Variants in RHPN1 observed in about 807,000 individuals in gnomAD.
RHPN1 encodes rhophilin-1.
A neutral mutation model predicts 74.7 loss-of-function variants in RHPN1; 77 were observed. The ratio of observed to expected loss-of-function variants is 1.03; its 90% CI spans 0.86 to 1.25. RHPN1 has a LOEUF of 1.25. Ranked by LOEUF, RHPN1 falls within the 50% of genes most tolerant of loss-of-function variation. RHPN1 has a pLI of 0.00. For synonymous variants in RHPN1, 444 were observed against 414.5 expected (o/e 1.07, Z -0.87); for missense variants, 987 against 932.2 (o/e 1.06, Z -0.77).
chr8:143,379,796 A>C (rs765076894), intron 8 of RHPN1, 33 bp from the exon 9 acceptor site: 1 of 1,583,234 alleles, frequency 6.3e-7, no homozygotes, highest in Admixed American at 1.7e-5. Context: ...GGAGAGTGGG[A>C]GGCCCTCGCG....
chr8:143,376,964 A>ACGTGTCTGCGTGCGTGTG (rs1490073208), intron 3 of RHPN1, among the ~76,000 whole-genome samples: 1 of 145,876 alleles, frequency 6.9e-6, no homozygotes, highest in African/African-American at 2.6e-5. Context: ...GTCTGTGTGC[A>ACGTGTCTGCGTGCGTGTG]CGTGTCTGCG....
At chr8:143,370,457 C>G (rs1817751972) in intron 1 of RHPN1, among the ~76,000 whole-genome samples, 2 of 152,236 alleles carry the variant, frequency 1.3e-5, no homozygotes, top group African/African-American at 4.8e-5. Flanking sequence ...GTTCCACCCC[C>G]ATCAGGCTGG....
At chr8:143,376,938 G>T (rs1274646260) in intron 3 of RHPN1, among the ~76,000 whole-genome samples, 1 of 149,898 alleles carries the variant, frequency 6.7e-6, no homozygotes, top group Non-Finnish European at 1.5e-5. Context: ...GTCTGTGTGT[G>T]CATCTCTGTG....
chr8:143,382,029 G>A (rs917155189), intron 14 of RHPN1, 61 bp downstream of exon 14: 11 of 1,464,084 alleles, frequency 7.5e-6, no homozygotes, highest in East Asian at 4.7e-5. Flanking sequence ...CTGGCCCTGG[G>A]CCTGCCTTGG....
intron 2 of RHPN1, 32 bp downstream of exon 2, chr8:143,375,700 C>G: frequency 6.5e-7 from 1 of 1,527,578 alleles, no homozygotes. Context: ...GCCCCGGGAG[C>G]AGGGCCCACC....
At chr8:143,378,651 T>C in intron 5 of RHPN1, 45 bp from the exon 6 acceptor site, 2 of 1,576,920 alleles carry the variant, frequency 1.3e-6, no homozygotes, top group Non-Finnish European at 1.7e-6. Flanking sequence ...TGTGTGTGAG[T>C]GGGGTGGGCC....
intron 12 of RHPN1, 87 bp from the exon 13 acceptor site, chr8:143,381,485 G>A: frequency 6.6e-7 from 1 of 1,508,482 alleles, no homozygotes; most frequent in East Asian, 2.3e-5. Context: ...GTGTCCCTCG[G>A]TGCACAGGTT....
chr8:143,367,420 C>CA (rs1817581485), upstream of RHPN1: 2 of 152,328 alleles, frequency 1.3e-5, no homozygotes, highest in Admixed American at 1.3e-4. Context: ...CACATGAGCC[C>CA]AGGAGGTGGA....
chr8:143,377,841 G>A (rs1818386084), intron 4 of RHPN1, among the ~76,000 whole-genome samples: 1 of 152,214 alleles, frequency 6.6e-6, no homozygotes, highest in Admixed American at 6.5e-5. Flanking sequence ...CGAGGGTCCT[G>A]GGGAGAGCTA....
Position 143,382,464 on chromosome 8 carries a change from C to G in RHPN1, c.1826C>G (p.Pro609Arg), listed in dbSNP as rs1818808467. The stretch of plus-strand genomic sequence containing the variant: ...GACCGCCGGCCCGTCCTGCTGGGCC[C>G]CAGGGGGCTTCTAAGGAGCCAGAGG... ...LGDRRPVLLG[P>R]RGLLRSQREH... The change falls in exon 15 of 15, where the codon CCC (proline) becomes CGC (arginine). Residue 609 changes from proline to arginine, a missense_variant. Coordinates refer to ENST00000289013, the MANE Select transcript of RHPN1 (RefSeq NM_052924.3). 2 of 1,587,312 alleles carry G rather than the reference C, an allele frequency of 1.3e-6. No homozygotes were observed. Among genetic ancestry groups the G allele is most frequent in the South Asian group, 2.3e-5 (2 of 87,666 alleles).
At chr8:143,372,207 T>C (rs1305723097) in intron 1 of RHPN1, among the ~76,000 whole-genome samples, 16 of 147,756 alleles carry the variant, frequency 1.1e-4, no homozygotes, top group Non-Finnish European at 1.0e-4. Flanking sequence ...GCGGGGCCTT[T>C]GCGGGGAGGG....
chr8:143,381,229 A>G (rs1818702281), intron 11 of RHPN1, 39 bp from the exon 12 acceptor site: 3 of 1,571,694 alleles, frequency 1.9e-6, no homozygotes, highest in Non-Finnish European at 2.6e-6. Context: ...GCAGGTCTCC[A>G]CAGTCTCCCA....
At chr8:143,375,313 T>TC in intron 1 of RHPN1, among the ~76,000 whole-genome samples, 1 of 151,918 alleles carries the variant, frequency 6.6e-6, no homozygotes, top group Middle Eastern at 3.4e-3. Context: ...CCATCACGAG[T>TC]CAGCAGCTTA....
chr8:143,382,016 A>G (rs1375254850), intron 14 of RHPN1, 48 bp downstream of exon 14: 1 of 1,504,152 alleles, frequency 6.6e-7, no homozygotes, highest in Admixed American at 2.1e-5. Context: ...TGCTGTCACC[A>G]CCCTGGCCCT....
chr8:143,364,716 G>C (rs891705276), upstream of RHPN1, among the ~76,000 whole-genome samples: 2 of 152,090 alleles, frequency 1.3e-5, no homozygotes, highest in African/African-American at 4.8e-5. This position sits in a 1 kb window ranked among gnomAD's most constrained non-coding sequence, Gnocchi z 4.5. Context: ...CGTCTCACCG[G>C]GAAGCCAGGT....
chr8:143,369,466 G>T (rs1307065710), intron 1 of RHPN1, among the ~76,000 whole-genome samples: 5 of 152,252 alleles, frequency 3.3e-5, no homozygotes, highest in Admixed American at 3.3e-4. Flanking sequence ...GGGTGCACTG[G>T]TAGCAGCGGG....
chr8:143,377,040 GTC>G (rs1434855926), intron 3 of RHPN1, among the ~76,000 whole-genome samples: 3 of 73,640 alleles, frequency 4.1e-5, no homozygotes, highest in Admixed American at 1.7e-4. Context: ...ATGCACGTGT[GTC>G]TGTGTGTGTC....
chr8:143,379,316 G>T lies in RHPN1; in HGVS notation c.753G>T (p.Gly251=). Residue 251 remains glycine (G), a splice_region_variant and synonymous_variant, in exon 8 of 15, where the codon GGG becomes GGT. Transcript: ENST00000289013. ...GTGTGAGCACCCCTCCCTCCGCAGG[G>T]GCCTTCAGCCTCCTGAGGGAGAACT... ...RAMEAFQRAA[G]AFSLLRENFS... is the part of the protein sequence containing the mutation. The T allele has an allele frequency of 6.3e-7, 1 of 1,586,044 alleles. No individual in the cohort carries two copies.
chr8:143,376,767 T>TGTGTGTGC (rs890887006), intron 3 of RHPN1, 114 bp downstream of exon 3: 1 of 1,221,442 alleles, frequency 8.2e-7, no homozygotes, highest in Non-Finnish European at 1.1e-6. Context: ...GCATTGTCTG[T>TGTGTGTGC]GTGTGTGCGT....
Sources: allele counts gnomAD v4.1 joint callset (sites outside exome capture counted in the v4.1 genomes callset), GRCh38; gene constraint gnomAD v4.1.1; non-coding constraint Gnocchi (gnomAD v3.1); transcripts MANE v1.5; gene names NCBI Gene and HGNC (gene_info 2026-07-23, HGNC 2026-07-21).